Variants in BICRA observed in about 807,000 individuals in gnomAD.
BICRA encodes BRD4-interacting chromatin-remodeling complex-associated protein.
In BICRA, 31 loss-of-function variants were observed where a neutral mutation model predicts 96.9. The ratio of observed to expected loss-of-function variants is 0.32; its 90% CI spans 0.24 to 0.43. BICRA has a LOEUF of 0.43. BICRA is among the 20% of genes least tolerant of loss of function. The pLI, the probability that BICRA is intolerant of heterozygous loss-of-function variation, is 1.00. For synonymous variants in BICRA, 1,350 were observed against 1,071.8 expected (o/e 1.26, Z -5.07); for missense variants, 2,283 against 2,190.3 (o/e 1.04, Z -0.84).
intron 7 of BICRA, among the ~76,000 whole-genome samples, chr19:47,693,834 G>T (rs1023854640): frequency 6.6e-6 from 1 of 152,338 alleles, no homozygotes; most frequent in Admixed American, 6.5e-5. Context: ...ACTGCGAGGG[G>T]TGGGGGGAAT....
rs1413108697 is a variant in BICRA at position 47,680,432 on chromosome 19, C to T, written c.1262C>T (p.Ala421Val). The change falls in exon 6 of 15, where the codon GCG becomes GTG. Residue 421 changes from alanine to valine, a missense_variant. Transcript: ENST00000594866. The stretch of plus-strand genomic sequence containing the variant: ...GGCTTCCCCGCGCCTGCGCTGCAAG[C>T]GAACGTCTTCAAGCAGCCACCGGCC... ...LSGFPAPALQ[A>V]NVFKQPPATT... The T allele has an allele frequency of 6.5e-7, 1 of 1,537,572 alleles. No individual in the cohort carries two copies. Among genetic ancestry groups the T allele is most frequent in the Non-Finnish European group, 8.7e-7 (1 of 1,146,022 alleles).
At chr19:47,678,901 CTT>C (rs554786093) in intron 5 of BICRA, 36 of 153,312 alleles carry the variant, frequency 2.3e-4, no homozygotes, top group East Asian at 3.5e-4. Flanking sequence ...TTTTTTTCTT[CTT>C]TTTTTTTTTT....
At chr19:47,627,423 G>A (rs373139762) in intron 1 of BICRA, among the ~76,000 whole-genome samples, 26 of 152,262 alleles carry the variant, frequency 1.7e-4, no homozygotes, top group African/African-American at 5.8e-4. Flanking sequence ...CAACGGAAAT[G>A]CTGCATTTAT....
chr19:47,695,233 G>A, intron 9 of BICRA, 132 bp from the exon 10 acceptor site: 4 of 763,230 alleles, frequency 5.2e-6, no homozygotes, highest in Non-Finnish European at 8.6e-6. Context: ...GAGGTGGCAG[G>A]GCTGGCCCCA....
At chr19:47,641,556 G>A (rs1478762697) in intron 1 of BICRA, among the ~76,000 whole-genome samples, 2 of 152,058 alleles carry the variant, frequency 1.3e-5, no homozygotes, top group Non-Finnish European at 2.9e-5. Context: ...AGGCTGAGAC[G>A]GGACAGTCGC....
In BICRA at chr19:47,701,050, T is replaced by C; in HGVS notation, c.3596-278T>C. ...CCCTTGGCCTCCCAAAGTGCTGGGA[T>C]TACAGGCCTGAGCCTTGTTTTGTAT... On this transcript the variant is annotated intron_variant, in intron 14 of 14. Coordinates refer to ENST00000594866, the MANE Select transcript of BICRA (RefSeq NM_001394372.1). The surrounding 1 kb of genome is among the most constrained non-coding windows in gnomAD (Gnocchi z 5.4). 1 of 472,486 alleles carries C rather than the reference T, an allele frequency of 2.1e-6. No individual in the cohort carries two copies. Among genetic ancestry groups the C allele is most frequent in the Non-Finnish European group, 3.7e-6 (1 of 267,038 alleles). 29.3% of individuals were successfully genotyped at this position (472,486 alleles called of 1,614,324 possible). A position where few individuals can be genotyped will look rare whatever the true frequency, so the allele number is the denominator to read the frequency against.
chr19:47,650,255 TC>T (rs1379813157), intron 1 of BICRA, among the ~76,000 whole-genome samples: 3 of 151,962 alleles, frequency 2.0e-5, no homozygotes, highest in African/African-American at 7.2e-5. Flanking sequence ...GCCTCAGCCT[TC>T]CGAGTAGCTG....
intron 1 of BICRA, among the ~76,000 whole-genome samples, chr19:47,637,386 T>G (rs1416529933): frequency 6.6e-6 from 1 of 152,034 alleles, no homozygotes; most frequent in East Asian, 1.9e-4. Context: ...CCCAAAGTGC[T>G]GGGAATACAG....
At chr19:47,668,253 G>A (rs923112110) in intron 1 of BICRA, among the ~76,000 whole-genome samples, 8 of 152,020 alleles carry the variant, frequency 5.3e-5, no homozygotes, top group African/African-American at 1.2e-4. Context: ...TGTCATAGTC[G>A]GTCCTTGTTC....
chr19:47,675,925 C>A lies in BICRA; in HGVS notation c.150+9C>A. The A allele has an allele frequency of 1.3e-6, 2 of 1,590,796 alleles. No individual in the cohort carries two copies. The highest frequency in any genetic ancestry group is 2.3e-5 in the East Asian group (1 of 44,252). ...TCTATGAAGGTCCTGGGGTAAGTGC[C>A]GTGGCTCCCGATCATTGCCTGAGCT... is the stretch of plus-strand genomic sequence containing the variant. On this transcript the variant is annotated intron_variant, in intron 5 of 14. Coordinates refer to ENST00000594866, the MANE Select transcript of BICRA (RefSeq NM_001394372.1). This position sits in a 1 kb window ranked among gnomAD's most constrained non-coding sequence, Gnocchi z 4.7.
intron 7 of BICRA, among the ~76,000 whole-genome samples, chr19:47,684,995 G>C (rs1973122703): frequency 6.6e-6 from 1 of 152,156 alleles, no homozygotes; most frequent in Non-Finnish European, 1.5e-5. Context: ...TTTGGAAACA[G>C]GGTCTGGTTC....
chr19:47,616,899 G>T (rs1971993112), intron 1 of BICRA, among the ~76,000 whole-genome samples: 2 of 151,126 alleles, frequency 1.3e-5, no homozygotes, highest in Non-Finnish European at 3.0e-5. Flanking sequence ...TGTGATCTTG[G>T]CTCACTGCAA....
chr19:47,663,588 CTT>C (rs1372933463), intron 1 of BICRA: 3 of 152,262 alleles, frequency 2.0e-5, no homozygotes, highest in South Asian at 2.1e-4. Context: ...GGAAGGAAAA[CTT>C]TCCCTGAAAG....
At position 47,698,586 on chromosome 19, in the gene BICRA, T is replaced by TGCC; in HGVS notation, c.3249-48_3249-47insGCC. 2 of 716,714 alleles carry TGCC rather than the reference T, an allele frequency of 2.8e-6. No homozygotes were observed. The highest frequency in any genetic ancestry group is 5.1e-6 in the Non-Finnish European group (2 of 392,850). 44.4% of individuals were successfully genotyped at this position (716,714 alleles called of 1,614,324 possible). On this transcript the variant is annotated intron_variant, in intron 11 of 14. Coordinates refer to ENST00000594866, the MANE Select transcript of BICRA (RefSeq NM_001394372.1). The surrounding 1 kb of genome is among the most constrained non-coding windows in gnomAD (Gnocchi z 4.8). Reference sequence around the variant, plus strand: ...AGGGACTTCCCCTGGCCCTCACCCGTCCCCCCCACCCTCCGCCGTGTGTGG... The same window carrying TGCC: ...AGGGACTTCCCCTGGCCCTCACCCGTGCCCCCCCCCACCCTCCGCCGTGTGTGG...
intron 7 of BICRA, 32 bp from the exon 8 acceptor site, chr19:47,694,083 G>GGCCC: frequency 3.7e-6 from 4 of 1,093,876 alleles, no homozygotes; most frequent in South Asian, 4.4e-5. Context: ...TCTGACCCCC[G>GGCCC]CCCCTCCCCT....
chr19:47,692,387 C>T (rs954748727), intron 7 of BICRA, among the ~76,000 whole-genome samples: 13 of 152,050 alleles, frequency 8.5e-5, no homozygotes, highest in African/African-American at 2.2e-4. Flanking sequence ...CCACCATGCC[C>T]GGCTAATTAT....
In BICRA at chr19:47,702,290, G is replaced by A. The variant is rs1250822268; in HGVS notation, c.4558G>A (p.Ala1520Thr). The stretch of plus-strand genomic sequence containing the variant: ...GCAGCAGGCCCCCGGCCGGACGCCC[G>A]CGCCCTCGTACCCCCACGCTGCCTC... ...NLQQAPGRTP[A>T]PSYPHAASAG... The change falls in exon 15 of 15, where the codon GCG (alanine) becomes ACG (threonine). Residue 1520 changes from alanine to threonine, a missense_variant. By Grantham distance (58) the Ala-to-Thr change is moderately conservative (BLOSUM62 0). Coordinates refer to ENST00000594866, the MANE Select transcript of BICRA (RefSeq NM_001394372.1). 3.1e-6 allele frequency: 5 copies of A among 1,591,954 alleles called. No individual in the cohort carries two copies. The highest frequency in any genetic ancestry group is 2.3e-5 in the East Asian group (1 of 44,012).
intron 1 of BICRA, chr19:47,661,742 G>A (rs750133973): frequency 2.6e-5 from 4 of 152,258 alleles, no homozygotes; most frequent in Non-Finnish European, 5.9e-5. Context: ...ATGGGAGGTG[G>A]GATGGATAAA....
At chr19:47,651,386 C>T (rs1268885811) in intron 1 of BICRA, among the ~76,000 whole-genome samples, 1 of 152,136 alleles carries the variant, frequency 6.6e-6, no homozygotes, top group Non-Finnish European at 1.5e-5. Flanking sequence ...CTCCTTCTGC[C>T]TGGAGCCCGC....
Sources: allele counts gnomAD v4.1 joint callset (sites outside exome capture counted in the v4.1 genomes callset), GRCh38; gene constraint gnomAD v4.1.1; non-coding constraint Gnocchi (gnomAD v3.1); transcripts MANE v1.5; gene names NCBI Gene and HGNC (gene_info 2026-07-23, HGNC 2026-07-21).